The following SNTB1 variants were observed in gnomAD, a reference collection of about 807,000 sequenced individuals.
The protein encoded by SNTB1 is beta-1-syntrophin.
A neutral mutation model predicts 48.9 loss-of-function variants in SNTB1; 36 were observed. The observed-to-expected ratio is 0.74, with a 90% CI of 0.56 to 0.97. The LOEUF (loss-of-function observed/expected upper bound fraction) is 0.97. Ranked by LOEUF, SNTB1 falls within the 50% of genes least tolerant of loss-of-function variation. The probability of loss-of-function intolerance (pLI) is 0.00; values close to 1 mark genes in which losing one functional copy is unlikely to be tolerated. For synonymous variants in SNTB1, 299 were observed against 294.6 expected, an observed-to-expected ratio of 1.01 and a Z score of -0.15; for missense variants, 786 against 703.4, an observed-to-expected ratio of 1.12 and a Z score of -1.33.
chr8:120,674,782 A>G (rs73319300), intron 2 of SNTB1, among the ~76,000 whole-genome samples: 27 of 152,306 alleles, frequency 1.8e-4, no homozygotes, highest in African/African-American at 6.5e-4. Flanking sequence ...AAGGGTACAG[A>G]AGTGAGGGCA....
intron 1 of SNTB1, among the ~76,000 whole-genome samples, chr8:120,787,011 C>T (rs1819935432): frequency 6.6e-6 from 1 of 152,146 alleles, no homozygotes; most frequent in Admixed American, 6.5e-5. Context: ...TCTGCCATTC[C>T]AGCCCAACAG....
intron 1 of SNTB1, among the ~76,000 whole-genome samples, chr8:120,782,603 TAC>T (rs920468009): frequency 5.3e-5 from 8 of 151,884 alleles, no homozygotes; most frequent in Non-Finnish European, 1.2e-4. Flanking sequence ...CATACATACC[TAC>T]ACACACACAC....
At chr8:120,753,100 GC>G (rs1482290959) in intron 1 of SNTB1, among the ~76,000 whole-genome samples, 1 of 151,936 alleles carries the variant, frequency 6.6e-6, no homozygotes, top group African/African-American at 2.4e-5. Flanking sequence ...TGTTTCAGAG[GC>G]CCTGGAGGAA....
chr8:120,665,692 G>A (rs1003344052), intron 2 of SNTB1, among the ~76,000 whole-genome samples: 1 of 152,018 alleles, frequency 6.6e-6, no homozygotes, highest in Non-Finnish European at 1.5e-5. Context: ...AAGTTTTATA[G>A]TTGTATGCTT....
intron 1 of SNTB1, among the ~76,000 whole-genome samples, chr8:120,700,133 A>G (rs1250742853): frequency 6.7e-6 from 1 of 150,052 alleles, no homozygotes; most frequent in Non-Finnish European, 1.5e-5. Flanking sequence ...AGCAATACTG[A>G]TTCTCGCTCT....
chr8:120,571,394 C>A, intron 4 of SNTB1: 5 of 1,234,260 alleles, frequency 4.1e-6, no homozygotes, highest in Non-Finnish European at 5.3e-6. Context: ...AAAGCAATAG[C>A]GATTGGGCCG....
chr8:120,614,496 A>G (rs1180101316), intron 3 of SNTB1, among the ~76,000 whole-genome samples: 2 of 152,236 alleles, frequency 1.3e-5, no homozygotes, highest in Non-Finnish European at 2.9e-5. Flanking sequence ...CCAGAGTAGC[A>G]TGCCCTTCTA....
At chr8:120,677,687 T>C (rs151057973) in intron 2 of SNTB1, among the ~76,000 whole-genome samples, 2 of 152,286 alleles carry the variant, frequency 1.3e-5, no homozygotes, top group African/African-American at 4.8e-5. Flanking sequence ...TAGGCAGATG[T>C]CAACTTATTT....
chr8:120,696,812 T>C (rs1490695584), intron 1 of SNTB1, among the ~76,000 whole-genome samples: 1 of 152,212 alleles, frequency 6.6e-6, no homozygotes, highest in African/African-American at 2.4e-5. Context: ...AGCTAGAATT[T>C]GATTTCCCAG....
At chr8:120,721,247 G>A (rs554349390) in intron 1 of SNTB1, among the ~76,000 whole-genome samples, 1 of 152,260 alleles carries the variant, frequency 6.6e-6, no homozygotes, top group East Asian at 1.9e-4. Flanking sequence ...AAGAAAAAGT[G>A]GCACCCATGC....
At chr8:120,610,962 C>A (rs111904989) in intron 3 of SNTB1, among the ~76,000 whole-genome samples, 9 of 152,260 alleles carry the variant, frequency 5.9e-5, no homozygotes, top group African/African-American at 2.2e-4. Flanking sequence ...CACTTCCCCC[C>A]TCAAGATTCC....
intron 1 of SNTB1, among the ~76,000 whole-genome samples, chr8:120,746,319 T>G (rs1442665819): frequency 4.6e-5 from 7 of 152,188 alleles, no homozygotes; most frequent in Non-Finnish European, 1.0e-4. Context: ...TCTAGCTTAC[T>G]TCATTGTAAA....
At chr8:120,660,438 T>C (rs930452234) in intron 2 of SNTB1, among the ~76,000 whole-genome samples, 4 of 152,240 alleles carry the variant, frequency 2.6e-5, no homozygotes, top group African/African-American at 9.6e-5. Flanking sequence ...AGCTTCACAC[T>C]TTTCTTCTGC....
chr8:120,541,735 G>C (rs141804179), intron 6 of SNTB1, 75 bp downstream of exon 6: 1 of 1,114,572 alleles, frequency 9.0e-7, no homozygotes, highest in African/African-American at 1.6e-5. Context: ...TGCCGAATAA[G>C]AGTAAGGCAG....
chr8:120,679,093 G>A (rs1817886531), intron 2 of SNTB1, among the ~76,000 whole-genome samples: 2 of 152,116 alleles, frequency 1.3e-5, no homozygotes, highest in Non-Finnish European at 2.9e-5. Flanking sequence ...CTAGGTCCTG[G>A]GTGCTTCCCC....
chr8:120,779,743 T>C (rs1206409462), intron 1 of SNTB1, among the ~76,000 whole-genome samples: 1 of 152,138 alleles, frequency 6.6e-6, no homozygotes, highest in Non-Finnish European at 1.5e-5. Flanking sequence ...TGTTAATAGA[T>C]AAAACATTCG....
chr8:120,697,991 C>T (rs1818239462), intron 1 of SNTB1, among the ~76,000 whole-genome samples: 3 of 152,098 alleles, frequency 2.0e-5, no homozygotes, highest in Non-Finnish European at 1.5e-5. Flanking sequence ...TAGAGATGAA[C>T]AGATGTGAAG....
At chr8:120,611,290 C>A (rs1816617935) in intron 3 of SNTB1, among the ~76,000 whole-genome samples, 1 of 151,762 alleles carries the variant, frequency 6.6e-6, no homozygotes, top group Non-Finnish European at 1.5e-5. Flanking sequence ...CCCAAGAGTG[C>A]AGAAGAGGGA....
intron 1 of SNTB1, among the ~76,000 whole-genome samples, chr8:120,701,495 A>G (rs1213845320): frequency 1.3e-5 from 2 of 152,178 alleles, no homozygotes; most frequent in African/African-American, 2.4e-5. Flanking sequence ...TCATCTTGCT[A>G]CTTATGTCAT....
Sources: gnomAD v4.1 joint callset for allele counts (sites outside exome capture counted in the v4.1 genomes callset) on GRCh38, gnomAD v4.1.1 for gene constraint, MANE v1.5 for transcripts, NCBI Gene and HGNC (gene_info 2026-07-23, HGNC 2026-07-21) for gene names.